RBPMS: variants seen among roughly 807,000 people sequenced by gnomAD.
RBPMS encodes RNA binding protein, mRNA processing factor, also known as RNA-binding protein with multiple splicing.
RBPMS carries 7 observed loss-of-function variants against 26.8 expected under a neutral mutation model. The observed-to-expected ratio is 0.26, with a 90% CI of 0.15 to 0.49. RBPMS has a LOEUF of 0.49. Among genes scored for constraint, RBPMS ranks in the 20% least tolerant of loss-of-function variants. The pLI, the probability that RBPMS is intolerant of heterozygous loss-of-function variation, is 0.98. For synonymous variants in RBPMS, 96 were observed against 93.3 expected (o/e 1.03, Z -0.17); for missense variants, 186 against 250.0 (o/e 0.74, Z 1.73).
At chr8:30,493,042 T>C (rs1030248198) in intron 4 of RBPMS, among the ~76,000 whole-genome samples, 1 of 152,212 alleles carries the variant, frequency 6.6e-6, no homozygotes, top group African/African-American at 2.4e-5. Flanking sequence ...CGTGCTTTGT[T>C]GAGGCAAACC....
At chr8:30,530,473 C>A (rs530939507) in intron 5 of RBPMS, among the ~76,000 whole-genome samples, 16 of 151,738 alleles carry the variant, frequency 1.1e-4, no homozygotes, top group South Asian at 6.3e-4. Flanking sequence ...TTTTTCTTTT[C>A]TTTTTTGAGA....
chr8:30,390,156 T>C (rs919296338), intron 1 of RBPMS, among the ~76,000 whole-genome samples: 2 of 152,226 alleles, frequency 1.3e-5, no homozygotes, highest in Non-Finnish European at 2.9e-5. Flanking sequence ...TTTCGGTGTT[T>C]AAGTTTTCGA....
chr8:30,453,274 G>A (rs979626651), intron 1 of RBPMS, among the ~76,000 whole-genome samples: 2 of 152,160 alleles, frequency 1.3e-5, no homozygotes, highest in Non-Finnish European at 1.5e-5. Context: ...CAGCTAGTTC[G>A]AAATGCAGAA....
intron 5 of RBPMS, among the ~76,000 whole-genome samples, chr8:30,508,351 A>T (rs2150947324): frequency 1.3e-5 from 2 of 152,304 alleles, no homozygotes; most frequent in Admixed American, 1.3e-4. Context: ...GAAATACAAT[A>T]CATCAAGTGA....
intron 1 of RBPMS, among the ~76,000 whole-genome samples, chr8:30,471,714 G>A (rs1033208421): frequency 1.3e-4 from 20 of 152,290 alleles, no homozygotes; most frequent in African/African-American, 4.6e-4. Flanking sequence ...GAGAGTTGCG[G>A]GTGACAGGGA....
chr8:30,563,313 G>C (rs1426901904), intron 7 of RBPMS, among the ~76,000 whole-genome samples: 4 of 152,260 alleles, frequency 2.6e-5, no homozygotes, highest in African/African-American at 4.8e-5. Context: ...CCATGTGCTA[G>C]AGAGCCCAGA....
intron 1 of RBPMS, among the ~76,000 whole-genome samples, chr8:30,411,532 G>A (rs1333943011): frequency 1.3e-5 from 2 of 152,132 alleles, no homozygotes; most frequent in Admixed American, 1.3e-4. Flanking sequence ...GGGCATCGTG[G>A]CATGTGCCTA....
intron 5 of RBPMS, among the ~76,000 whole-genome samples, chr8:30,539,896 G>A (rs988225423): frequency 1.4e-4 from 22 of 152,282 alleles, no homozygotes; most frequent in African/African-American, 5.1e-4. Flanking sequence ...AAAGTGCTGG[G>A]ATTACAGGCG....
chr8:30,389,719 A>T (rs531707171), intron 1 of RBPMS, among the ~76,000 whole-genome samples: 2 of 152,340 alleles, frequency 1.3e-5, no homozygotes, highest in East Asian at 3.9e-4. Flanking sequence ...AAATCATTGT[A>T]TAATTCTGGA....
chr8:30,504,199 G>A, intron 4 of RBPMS, 87 bp from the exon 5 acceptor site: 2 of 1,405,262 alleles, frequency 1.4e-6, no homozygotes, highest in Non-Finnish European at 2.0e-6. Context: ...TGATAGACCA[G>A]GGTTTACTGG....
At chr8:30,475,545 A>G (rs943981742) in intron 2 of RBPMS, among the ~76,000 whole-genome samples, 2 of 152,144 alleles carry the variant, frequency 1.3e-5, no homozygotes, top group African/African-American at 4.8e-5. Context: ...GTCAGTGTGG[A>G]TGTGTTAGCA....
At chr8:30,408,584 A>G (rs1159132767) in intron 1 of RBPMS, among the ~76,000 whole-genome samples, 2 of 152,118 alleles carry the variant, frequency 1.3e-5, no homozygotes, top group African/African-American at 4.8e-5. Context: ...GCATGGAAAA[A>G]CATTTGGAGG....
At chr8:30,422,795 T>C (rs1213702698) in intron 1 of RBPMS, among the ~76,000 whole-genome samples, 4 of 152,206 alleles carry the variant, frequency 2.6e-5, no homozygotes. Flanking sequence ...ATAGGAAAAA[T>C]ACATAACAAA....
intron 2 of RBPMS, among the ~76,000 whole-genome samples, chr8:30,475,332 T>G (rs1361929600): frequency 6.6e-6 from 1 of 152,242 alleles, no homozygotes; most frequent in Non-Finnish European, 1.5e-5. Context: ...AGATACTTAA[T>G]GTTGCTAGGA....
At chr8:30,415,447 A>G (rs954260908) in intron 1 of RBPMS, among the ~76,000 whole-genome samples, 3 of 151,982 alleles carry the variant, frequency 2.0e-5, no homozygotes, top group African/African-American at 7.3e-5. Flanking sequence ...AAAACCTTTA[A>G]CTGTGTCCAC....
chr8:30,432,670 A>G (rs1455324405), intron 1 of RBPMS, among the ~76,000 whole-genome samples: 1 of 152,224 alleles, frequency 6.6e-6, no homozygotes, highest in Admixed American at 6.5e-5. Flanking sequence ...TTCTATGACT[A>G]ATACATAGTT....
chr8:30,557,166 A>G (rs962750482), intron 6 of RBPMS, among the ~76,000 whole-genome samples: 33 of 152,134 alleles, frequency 2.2e-4, no homozygotes, highest in African/African-American at 7.7e-4. Flanking sequence ...AAGAGACCCA[A>G]TGCACAGGCA....
chr8:30,508,613 A>G (rs1047889144), intron 5 of RBPMS, among the ~76,000 whole-genome samples: 2 of 146,794 alleles, frequency 1.4e-5, no homozygotes, highest in Non-Finnish European at 1.5e-5. Context: ...ATCTATAAAT[A>G]CATAATGGAT....
chr8:30,456,794 G>C (rs534063381), intron 1 of RBPMS, among the ~76,000 whole-genome samples: 2 of 152,090 alleles, frequency 1.3e-5, no homozygotes, highest in Non-Finnish European at 2.9e-5. Flanking sequence ...GGTGGCGTGC[G>C]CCTGTAGTCC....
Sources: allele counts gnomAD v4.1 joint callset (sites outside exome capture counted in the v4.1 genomes callset), GRCh38; gene constraint gnomAD v4.1.1; transcripts MANE v1.5; gene names NCBI Gene and HGNC (gene_info 2026-07-23, HGNC 2026-07-21).